The following KLRG1 variants were observed in gnomAD, a reference collection of about 807,000 sequenced individuals.
KLRG1 encodes killer cell lectin like receptor G1.
KLRG1 carries 16 observed loss-of-function variants against 21.8 expected under a neutral mutation model. The ratio of observed to expected loss-of-function variants is 0.73; its 90% CI spans 0.50 to 1.11. The LOEUF is 1.11. Among genes scored for constraint, KLRG1 ranks in the 50% most tolerant of loss-of-function variants. The probability of loss-of-function intolerance (pLI) is 0.00; values close to 1 mark genes in which losing one functional copy is unlikely to be tolerated. For synonymous variants in KLRG1, 69 were observed against 75.9 expected (o/e 0.91, Z 0.47); for missense variants, 173 against 218.3 (o/e 0.79, Z 1.31).
the KLRG1 span, chr12:9,203,958 A>G: frequency 1.2e-6 from 2 of 1,602,630 alleles, no homozygotes; most frequent in Non-Finnish European, 1.7e-6. Flanking sequence ...CTGCCTGGGA[A>G]AGGAAGAAGT....
chr12:9,052,869 A>G, the KLRG1 span: 1 of 455,068 alleles, frequency 2.2e-6, no homozygotes, highest in Non-Finnish European at 4.4e-6. Flanking sequence ...AAGCAGTGCC[A>G]GGCAGATGGT....
the KLRG1 span, chr12:9,068,071 G>A: frequency 8.1e-5 from 101 of 1,249,326 alleles, no homozygotes; most frequent in Non-Finnish European, 1.1e-4. Context: ...TGTGCAGTGT[G>A]AGTAATTTGA....
At chr12:9,084,448 T>G in the KLRG1 span, among the ~76,000 whole-genome samples, 1 of 152,130 alleles carries the variant, frequency 6.6e-6, no homozygotes, top group African/African-American at 2.4e-5. Flanking sequence ...AAAATGTGTG[T>G]GGGGGAGTGA....
At chr12:9,122,519 A>G in the KLRG1 span, among the ~76,000 whole-genome samples, 2 of 152,226 alleles carry the variant, frequency 1.3e-5, no homozygotes. Context: ...GCTAACAACA[A>G]TAGCTACAAC....
the KLRG1 span, among the ~76,000 whole-genome samples, chr12:9,176,200 C>T: frequency 1.3e-5 from 2 of 152,282 alleles, no homozygotes; most frequent in East Asian, 3.9e-4. Context: ...AGCAAGCTAA[C>T]ACAGGAACAG....
chr12:9,069,427 G>A, the KLRG1 span, among the ~76,000 whole-genome samples: 1 of 151,980 alleles, frequency 6.6e-6, no homozygotes, highest in African/African-American at 2.4e-5. Flanking sequence ...ACTAATAATT[G>A]ACTAATCACA....
At chr12:9,017,864 A>G in the KLRG1 span, among the ~76,000 whole-genome samples, 2 of 152,204 alleles carry the variant, frequency 1.3e-5, no homozygotes, top group African/African-American at 4.8e-5. Flanking sequence ...ATTTGCAAAA[A>G]CCTAAAGAGT....
chr12:8,959,599 TTGC>T (rs1485436115), intron 1 of KLRG1, among the ~76,000 whole-genome samples: 9 of 152,148 alleles, frequency 5.9e-5, no homozygotes, highest in African/African-American at 2.2e-4. Context: ...ATTAAACTCT[TTGC>T]TGCAACACCT....
At chr12:9,162,580 T>C in the KLRG1 span, 2 of 1,550,178 alleles carry the variant, frequency 1.3e-6, no homozygotes, top group South Asian at 2.2e-5. Context: ...ACTATGATTA[T>C]GAAGATGGAC....
chr12:9,023,434 TG>T, the KLRG1 span, among the ~76,000 whole-genome samples: 1 of 152,340 alleles, frequency 6.6e-6, no homozygotes, highest in Middle Eastern at 3.4e-3. Flanking sequence ...TTATTCTTTT[TG>T]TATGTTGTTA....
the KLRG1 span, among the ~76,000 whole-genome samples, chr12:9,017,872 A>G: frequency 6.6e-6 from 1 of 152,242 alleles, no homozygotes; most frequent in African/African-American, 2.4e-5. Context: ...AAACCTAAAG[A>G]GTTCACAAAA....
the KLRG1 span, among the ~76,000 whole-genome samples, chr12:9,019,732 A>C: frequency 6.6e-6 from 1 of 152,150 alleles, no homozygotes; most frequent in African/African-American, 2.4e-5. Context: ...AACTGAAGAA[A>C]TTTCTGATTT....
chr12:9,119,913 A>G, the KLRG1 span, among the ~76,000 whole-genome samples: 4 of 152,212 alleles, frequency 2.6e-5, no homozygotes, highest in Non-Finnish European at 4.4e-5. Context: ...AGAAAAAATA[A>G]CTGGACCAGT....
chr12:9,010,184 T>A lies in KLRG1; in HGVS notation c.*647T>A. ...CTGGGAGATAGAGCAAGACTCCATC[T>A]CTAAAAAAAAAAAAAAATGCTAATG... On this transcript the variant is annotated 3_prime_UTR_variant, in exon 5 of 5. Coordinates refer to ENST00000356986, the MANE Select transcript of KLRG1 (RefSeq NM_005810.4). 1 of 472,828 alleles carries A rather than the reference T, an allele frequency of 2.1e-6. No individual in the cohort carries two copies. Among genetic ancestry groups the A allele is most frequent in the Non-Finnish European group, 3.7e-6 (1 of 272,860 alleles). The allele number at this position is 472,828 out of a possible 1,614,324, so 29.3% of individuals were successfully genotyped here. A position where few individuals can be genotyped will look rare whatever the true frequency, so the allele number is the denominator to read the frequency against.
At chr12:8,975,607 A>G (rs1445655105) in intron 1 of KLRG1, among the ~76,000 whole-genome samples, 1 of 150,958 alleles carries the variant, frequency 6.6e-6, no homozygotes, top group African/African-American at 2.4e-5. Context: ...TCTGTTGCCT[A>G]GGCTGGAGTG....
chr12:9,099,654 A>G, the KLRG1 span: 11 of 1,152,820 alleles, frequency 9.5e-6, no homozygotes, highest in South Asian at 3.7e-5. Context: ...GCTTTAGAAA[A>G]AAACCCTATC....
the KLRG1 span, chr12:9,154,945 G>A: frequency 8.9e-7 from 1 of 1,126,138 alleles, no homozygotes; most frequent in Non-Finnish European, 1.3e-6. Context: ...AATAATACAG[G>A]AGAAGCAAGG....
chr12:9,208,521 T>G, the KLRG1 span, among the ~76,000 whole-genome samples: 1 of 152,120 alleles, frequency 6.6e-6, no homozygotes, highest in Non-Finnish European at 1.5e-5. Flanking sequence ...TCTCAGTGGT[T>G]GCCTCATTTT....
chr12:9,057,583 A>G, the KLRG1 span: 1 of 152,600 alleles, frequency 6.6e-6, no homozygotes. Context: ...ACCACACTGG[A>G]AAGAACTGAG....
Sources: gnomAD v4.1 joint callset for allele counts (sites outside exome capture counted in the v4.1 genomes callset) on GRCh38, gnomAD v4.1.1 for gene constraint, MANE v1.5 for transcripts, NCBI Gene and HGNC (gene_info 2026-07-23, HGNC 2026-07-21) for gene names.